The following CD38 variants were observed in gnomAD, a reference collection of about 807,000 sequenced individuals.
CD38 encodes the protein CD38 molecule.
CD38 carries 31 observed loss-of-function variants against 36.3 expected under a neutral mutation model. The observed-to-expected ratio is 0.85, with a 90% CI of 0.64 to 1.15. The LOEUF (loss-of-function observed/expected upper bound fraction) is 1.15. Ranked by LOEUF, CD38 falls within the 50% of genes most tolerant of loss-of-function variation. CD38 has a pLI of 0.00. For missense variants in CD38, 380 were observed against 371.9 expected (o/e 1.02, Z -0.18); for synonymous variants, 131 against 135.2 (o/e 0.97, Z 0.22).
At chr4:15,808,847 G>T (rs910095223) in intron 1 of CD38, among the ~76,000 whole-genome samples, 2 of 152,210 alleles carry the variant, frequency 1.3e-5, no homozygotes, top group Non-Finnish European at 2.9e-5. Flanking sequence ...AGCTATTCAA[G>T]AAAAGCTTTT....
Position 15,778,403 on chromosome 4 carries a change from G to A in CD38, c.-12G>A, listed in dbSNP as rs183116480. On this transcript the variant is annotated 5_prime_UTR_variant, in exon 1 of 8. Coordinates refer to ENST00000226279, the MANE Select transcript of CD38 (RefSeq NM_001775.4). The surrounding 1 kb of genome is among the most constrained non-coding windows in gnomAD (Gnocchi z 4.9). ...GCCTCATCTTCGCCCAGCCAACCCC[G>A]CCTGGAGCCCTATGGCCAACTGCGA... is the stretch of plus-strand genomic sequence containing the variant. 10 of 1,605,728 alleles carry A rather than the reference G, an allele frequency of 6.2e-6. No homozygotes were observed. The highest frequency in any genetic ancestry group is 7.7e-6 in the Non-Finnish European group (9 of 1,173,144).
chr4:15,837,748 T>C (rs16892445), intron 4 of CD38, among the ~76,000 whole-genome samples: 2,067 of 152,270 alleles, frequency 0.014, 46 homozygotes, highest in African/African-American at 0.047. Flanking sequence ...AGCATAATGT[T>C]TACAGTGCAT....
intron 4 of CD38, 108 bp downstream of exon 4, chr4:15,834,410 A>T: frequency 1.4e-6 from 1 of 711,854 alleles, no homozygotes; most frequent in Non-Finnish European, 2.5e-6. Context: ...ACTTTTAGGA[A>T]TGAAAATATA....
intron 7 of CD38, 37 bp from the exon 8 acceptor site, chr4:15,848,502 C>A: frequency 6.5e-7 from 1 of 1,529,064 alleles, no homozygotes; most frequent in Non-Finnish European, 9.1e-7. Context: ...ATGTATCCTA[C>A]GGTCTCTTGA....
chr4:15,812,629 G>A (rs1242061759), intron 1 of CD38, among the ~76,000 whole-genome samples: 1 of 152,192 alleles, frequency 6.6e-6, no homozygotes. Flanking sequence ...GAACCCTGGA[G>A]GCAGAGGTTG....
intron 1 of CD38, among the ~76,000 whole-genome samples, chr4:15,800,731 A>G (rs1351312128): frequency 6.6e-6 from 1 of 152,196 alleles, no homozygotes; most frequent in Non-Finnish European, 1.5e-5. Flanking sequence ...GAAAATGATG[A>G]AAACATGTCT....
chr4:15,783,868 C>T (rs566043498), intron 1 of CD38, among the ~76,000 whole-genome samples: 1 of 152,272 alleles, frequency 6.6e-6, no homozygotes, highest in South Asian at 2.1e-4. Context: ...AGGATTTTCT[C>T]AGGGTCTACT....
chr4:15,852,327 A>G lies in CD38; in HGVS notation c.*3725A>G, dbSNP rs1560324195. On this transcript the variant is annotated 3_prime_UTR_variant, in exon 8 of 8. Coordinates refer to ENST00000226279, the MANE Select transcript of CD38 (RefSeq NM_001775.4). ...TGGAAGAAGCTCAACCCATGTCTGCACACTGTGATACAAGGGGGACAGCAT... is the reference window on the plus strand; with the variant it reads ...TGGAAGAAGCTCAACCCATGTCTGCGCACTGTGATACAAGGGGGACAGCAT... 6.6e-6 allele frequency: 1 copy of G among 152,226 alleles called. No homozygotes were observed. Among genetic ancestry groups the G allele is most frequent in the Non-Finnish European group, 1.5e-5 (1 of 68,048 alleles). The allele number at this position is 152,226 out of a possible 1,614,324, so 9.4% of individuals were successfully genotyped here.
chr4:15,827,347 C>T (rs1419031240), intron 3 of CD38, among the ~76,000 whole-genome samples: 2 of 151,824 alleles, frequency 1.3e-5, no homozygotes, highest in Admixed American at 1.3e-4. Context: ...TGCAGAAAAC[C>T]TGTCTGTTCT....
Position 15,778,329 on chromosome 4 carries a change from C to A in CD38, c.-86C>A, listed in dbSNP as rs537429009. On this transcript the variant is annotated 5_prime_UTR_variant, in exon 1 of 8. Coordinates refer to ENST00000226279, the MANE Select transcript of CD38 (RefSeq NM_001775.4). The surrounding 1 kb of genome is among the most constrained non-coding windows in gnomAD (Gnocchi z 4.9). The stretch of plus-strand genomic sequence containing the variant: ...GGCAAGTGAAACAGAAGGGGAGGTG[C>A]AGTTTCAGAACCCAGCCAGCCTCTC... 2.0e-4 allele frequency: 170 copies of A among 835,966 alleles called. No individual in the cohort carries two copies. In the African/African-American group the frequency reaches 2.7e-3, roughly 13 times the overall value. 51.8% of individuals were successfully genotyped at this position (835,966 alleles called of 1,614,324 possible).
At chr4:15,818,210 C>T (rs1473516816) in intron 2 of CD38, among the ~76,000 whole-genome samples, 3 of 152,102 alleles carry the variant, frequency 2.0e-5, no homozygotes, top group Non-Finnish European at 4.4e-5. Flanking sequence ...AGGCGGTTTT[C>T]CCCTGACAGT....
intron 3 of CD38, among the ~76,000 whole-genome samples, chr4:15,829,181 GTTGT>G (rs1238169609): frequency 2.6e-5 from 4 of 151,784 alleles, no homozygotes; most frequent in Non-Finnish European, 4.4e-5. Context: ...TTGTTTTTGA[GTTGT>G]TTGAGTTCCT....
chr4:15,789,944 C>T (rs1385611074), intron 1 of CD38, among the ~76,000 whole-genome samples: 1 of 152,134 alleles, frequency 6.6e-6, no homozygotes, highest in African/African-American at 2.4e-5. Context: ...AGGTATTCTG[C>T]TATAAGCAAC....
chr4:15,780,518 TCACACACACACACA>T (rs59324393), intron 1 of CD38, among the ~76,000 whole-genome samples: 19 of 140,024 alleles, frequency 1.4e-4, no homozygotes, highest in East Asian at 4.3e-4. Context: ...ATTCTCTCTC[TCACACACACACACA>T]CACACACACA....
chr4:15,841,424 A>G (rs1270578235), intron 7 of CD38, among the ~76,000 whole-genome samples: 1 of 152,250 alleles, frequency 6.6e-6, no homozygotes, highest in Non-Finnish European at 1.5e-5. Flanking sequence ...AAATGACCTG[A>G]ATTCCCCATG....
chr4:15,809,273 G>A (rs1337347901), intron 1 of CD38, among the ~76,000 whole-genome samples: 1 of 152,196 alleles, frequency 6.6e-6, no homozygotes, highest in Admixed American at 6.5e-5. Context: ...GAGGGAATCA[G>A]GAGACACTTG....
intron 1 of CD38, among the ~76,000 whole-genome samples, chr4:15,785,338 G>T (rs893938449): frequency 6.6e-6 from 1 of 152,098 alleles, no homozygotes; most frequent in African/African-American, 2.4e-5. Context: ...GGATGAAAAG[G>T]CTCAGTGGGA....
intron 1 of CD38, among the ~76,000 whole-genome samples, chr4:15,786,100 C>T (rs1458238433): frequency 1.3e-5 from 2 of 152,172 alleles, no homozygotes; most frequent in Non-Finnish European, 2.9e-5. Flanking sequence ...GTGAGTGTTA[C>T]AGCTCATAAA....
chr4:15,787,717 C>G (rs1226495751), intron 1 of CD38, among the ~76,000 whole-genome samples: 1 of 152,178 alleles, frequency 6.6e-6, no homozygotes, highest in African/African-American at 2.4e-5. Context: ...GGCTGAGCGA[C>G]AGATGAAAGG....
Sources: gnomAD v4.1 joint callset for allele counts (sites outside exome capture counted in the v4.1 genomes callset) on GRCh38, gnomAD v4.1.1 for gene constraint, Gnocchi (gnomAD v3.1) non-coding constraint, MANE v1.5 for transcripts, NCBI Gene and HGNC (gene_info 2026-07-23, HGNC 2026-07-21) for gene names.